The following TBC1D5 variants were observed in gnomAD, a reference collection of about 807,000 sequenced individuals.
TBC1D5 encodes TBC1 domain family member 5.
In TBC1D5, 75 loss-of-function variants were observed where a neutral mutation model predicts 100.3. That is an observed-to-expected ratio of 0.75 (90% CI 0.62 to 0.91). The LOEUF is 0.91. Among genes scored for constraint, TBC1D5 ranks in the 40% least tolerant of loss-of-function variants. The probability of loss-of-function intolerance (pLI) is 0.00; values close to 1 mark genes in which losing one functional copy is unlikely to be tolerated. For synonymous variants in TBC1D5, 323 were observed against 325.6 expected, an observed-to-expected ratio of 0.99 and a Z score of 0.09; for missense variants, 910 against 942.4, an observed-to-expected ratio of 0.97 and a Z score of 0.45.
intron 1 of TBC1D5, among the ~76,000 whole-genome samples, chr3:17,735,867 C>T (rs150707173): frequency 3.9e-5 from 6 of 152,266 alleles, no homozygotes; most frequent in Non-Finnish European, 8.8e-5. Context: ...GTAACAAACA[C>T]GGACCAGAAG....
intron 15 of TBC1D5, among the ~76,000 whole-genome samples, chr3:17,270,140 C>T (rs961550122): frequency 6.6e-6 from 1 of 152,148 alleles, no homozygotes; most frequent in Non-Finnish European, 1.5e-5. Context: ...CTTTTCTCCG[C>T]AGTCTCACCA....
intron 3 of TBC1D5, among the ~76,000 whole-genome samples, chr3:17,476,278 C>A (rs2095437037): frequency 6.6e-6 from 1 of 151,728 alleles, no homozygotes; most frequent in Admixed American, 6.6e-5. Context: ...TTGCTTTACA[C>A]ATTTAAGTTT....
intron 2 of TBC1D5, among the ~76,000 whole-genome samples, chr3:17,512,325 T>C (rs1576442997): frequency 6.6e-6 from 1 of 152,196 alleles, no homozygotes; most frequent in African/African-American, 2.4e-5. Context: ...GTCTAAAAAT[T>C]TTTAAACAAT....
chr3:17,409,182 C>T (rs1028479163), intron 4 of TBC1D5, among the ~76,000 whole-genome samples: 4 of 152,176 alleles, frequency 2.6e-5, no homozygotes, highest in African/African-American at 9.6e-5. Context: ...CATGTGCTCA[C>T]TTCATGACTC....
intron 13 of TBC1D5, among the ~76,000 whole-genome samples, chr3:17,345,227 A>G (rs548559094): frequency 3.3e-5 from 5 of 152,300 alleles, no homozygotes; most frequent in African/African-American, 4.8e-5. Context: ...TTACAAGAAA[A>G]AAACAAACAA....
intron 2 of TBC1D5, among the ~76,000 whole-genome samples, chr3:17,568,916 A>T (rs187330154): frequency 1.3e-5 from 2 of 151,878 alleles, no homozygotes; most frequent in Non-Finnish European, 3.0e-5. Flanking sequence ...GATGCATTTT[A>T]ATTTCAAAAA....
At chr3:17,375,032 T>C (rs181975972) in intron 10 of TBC1D5, among the ~76,000 whole-genome samples, 37 of 152,288 alleles carry the variant, frequency 2.4e-4, no homozygotes, top group African/African-American at 8.9e-4. Flanking sequence ...ACTGGTCAAA[T>C]ATGCAATATC....
chr3:17,526,887 T>C (rs1274618567), intron 2 of TBC1D5, among the ~76,000 whole-genome samples: 2 of 152,178 alleles, frequency 1.3e-5, no homozygotes, highest in African/African-American at 2.4e-5. Flanking sequence ...TAATTAGATA[T>C]TCCATGCTGT....
intron 2 of TBC1D5, among the ~76,000 whole-genome samples, chr3:17,571,532 T>C (rs980341278): frequency 3.3e-5 from 5 of 151,978 alleles, no homozygotes; most frequent in Admixed American, 6.6e-5. Flanking sequence ...AATCTCTTAT[T>C]CTCCTTCTTG....
intron 2 of TBC1D5, among the ~76,000 whole-genome samples, chr3:17,598,152 C>T (rs570272753): frequency 2.6e-5 from 4 of 152,182 alleles, no homozygotes; most frequent in African/African-American, 7.2e-5. Context: ...TCAGGAACTA[C>T]GGTTTCCCTA....
chr3:17,205,808 C>T (rs141975718), intron 18 of TBC1D5, among the ~76,000 whole-genome samples: 120 of 152,204 alleles, frequency 7.9e-4, no homozygotes, highest in African/African-American at 2.6e-3. Flanking sequence ...TGTGTCAGCC[C>T]GCTTGAGAGA....
chr3:17,446,081 T>C (rs1185711667), intron 3 of TBC1D5, among the ~76,000 whole-genome samples: 1 of 152,238 alleles, frequency 6.6e-6, no homozygotes, highest in African/African-American at 2.4e-5. Context: ...AAATGGCTGA[T>C]GTTCTCCTCT....
chr3:17,690,912 C>T (rs149017950), intron 1 of TBC1D5, among the ~76,000 whole-genome samples: 1 of 152,156 alleles, frequency 6.6e-6, no homozygotes, highest in African/African-American at 2.4e-5. Flanking sequence ...GTACGTAAAG[C>T]TAGATATCTT....
chr3:17,268,056 G>A (rs2079020116), intron 15 of TBC1D5, among the ~76,000 whole-genome samples: 1 of 151,986 alleles, frequency 6.6e-6, no homozygotes, highest in South Asian at 2.1e-4. Context: ...GAGTGAGCCT[G>A]TTATCTATAT....
At chr3:17,709,456 T>C (rs1021600534) in intron 1 of TBC1D5, among the ~76,000 whole-genome samples, 1 of 152,238 alleles carries the variant, frequency 6.6e-6, no homozygotes, top group Non-Finnish European at 1.5e-5. Context: ...TTCTAGTTCC[T>C]GATTTTCAGT....
At chr3:17,709,497 T>C (rs2074502414) in intron 1 of TBC1D5, among the ~76,000 whole-genome samples, 1 of 152,198 alleles carries the variant, frequency 6.6e-6, no homozygotes, top group Non-Finnish European at 1.5e-5. Flanking sequence ...AATTCCTGCT[T>C]ATCAGTTCTA....
At chr3:17,264,778 C>T (rs1287883857) in intron 15 of TBC1D5, among the ~76,000 whole-genome samples, 1 of 152,168 alleles carries the variant, frequency 6.6e-6, no homozygotes, top group East Asian at 1.9e-4. Context: ...ACAATGAGAA[C>T]TAAGTTCCCA....
intron 1 of TBC1D5, among the ~76,000 whole-genome samples, chr3:17,653,037 GAAGA>G (rs1182790284): frequency 6.6e-6 from 1 of 152,132 alleles, no homozygotes; most frequent in Non-Finnish European, 1.5e-5. Flanking sequence ...CTAAGTGAAC[GAAGA>G]TAGACACAAA....
chr3:17,415,690 G>A (rs2094048990), intron 4 of TBC1D5, among the ~76,000 whole-genome samples: 1 of 151,898 alleles, frequency 6.6e-6, no homozygotes. Flanking sequence ...AATAATAAAG[G>A]ACTGGCATTT....
Sources: gnomAD v4.1 joint callset for allele counts (sites outside exome capture counted in the v4.1 genomes callset) on GRCh38, gnomAD v4.1.1 for gene constraint, MANE v1.5 for transcripts, NCBI Gene and HGNC (gene_info 2026-07-23, HGNC 2026-07-21) for gene names.